GALNT13: variants seen among roughly 807,000 people sequenced by gnomAD.
GALNT13 encodes UDP-GalNAc:polypeptide N-acetylgalactosaminyltransferase 13.
A neutral mutation model predicts 64.2 loss-of-function variants in GALNT13; 28 were observed. That is an observed-to-expected ratio of 0.44 (90% CI 0.32 to 0.60). The LOEUF is 0.60. GALNT13 is among the 20% of genes least tolerant of loss of function. The pLI, the probability that GALNT13 is intolerant of heterozygous loss-of-function variation, is 0.05. For synonymous variants in GALNT13, 214 were observed against 224.6 expected (o/e 0.95, Z 0.42); for missense variants, 577 against 669.8 (o/e 0.86, Z 1.53).
the GALNT13 span, among the ~76,000 whole-genome samples, chr2:153,649,730 G>A: frequency 6.6e-6 from 1 of 152,304 alleles, no homozygotes; most frequent in South Asian, 2.1e-4. Flanking sequence ...GTACCCAGTA[G>A]TCATTCAGGA....
chr2:154,406,093 T>C (rs1699526125), intron 10 of GALNT13, among the ~76,000 whole-genome samples: 1 of 152,182 alleles, frequency 6.6e-6, no homozygotes, highest in South Asian at 2.1e-4. Flanking sequence ...CTCAAGACTA[T>C]TGTTCCTGGT....
At chr2:154,219,996 TC>T (rs938633242) in intron 4 of GALNT13, among the ~76,000 whole-genome samples, 3 of 152,074 alleles carry the variant, frequency 2.0e-5, no homozygotes, top group African/African-American at 4.8e-5. Flanking sequence ...CCAGGGCAGA[TC>T]CAGGTGTGTT....
the GALNT13 span, among the ~76,000 whole-genome samples, chr2:153,365,804 T>C: frequency 6.6e-6 from 1 of 152,096 alleles, no homozygotes; most frequent in Non-Finnish European, 1.5e-5. Context: ...GGAATGTAAA[T>C]TAGTTCAACC....
At chr2:154,313,009 T>G (rs1173114092) in intron 9 of GALNT13, among the ~76,000 whole-genome samples, 2 of 151,924 alleles carry the variant, frequency 1.3e-5, no homozygotes, top group African/African-American at 4.8e-5. Context: ...GGTATAAATA[T>G]TATTTGTTGA....
chr2:153,322,336 C>G, the GALNT13 span, among the ~76,000 whole-genome samples: 10 of 151,990 alleles, frequency 6.6e-5, no homozygotes, highest in Non-Finnish European at 1.3e-4. Context: ...CTGCAAAGGG[C>G]ATGATTTTGT....
chr2:153,435,920 A>C, the GALNT13 span, among the ~76,000 whole-genome samples: 1 of 152,054 alleles, frequency 6.6e-6, no homozygotes, highest in Non-Finnish European at 1.5e-5. Context: ...TTCAAAGGGA[A>C]TGCTTCCAGT....
chr2:154,363,355 CT>C (rs35168419), intron 9 of GALNT13, among the ~76,000 whole-genome samples: 11 of 151,918 alleles, frequency 7.2e-5, no homozygotes, highest in Admixed American at 3.3e-4. Context: ...TTTGTTTTAA[CT>C]TTTTTTTGTG....
chr2:153,095,901 G>A, the GALNT13 span, among the ~76,000 whole-genome samples: 14 of 152,126 alleles, frequency 9.2e-5, no homozygotes, highest in East Asian at 2.1e-3. Context: ...TGGGGGGAGC[G>A]GGGAGGGATA....
At chr2:154,434,247 A>G (rs754704060) in intron 11 of GALNT13, among the ~76,000 whole-genome samples, 2 of 152,166 alleles carry the variant, frequency 1.3e-5, no homozygotes, top group Non-Finnish European at 2.9e-5. Context: ...GAGTTATTAC[A>G]GTGATTAGTT....
the GALNT13 span, among the ~76,000 whole-genome samples, chr2:153,799,470 A>T: frequency 6.6e-6 from 1 of 152,250 alleles, no homozygotes; most frequent in African/African-American, 2.4e-5. Context: ...GAGTAATGCA[A>T]AGGAATCGGA....
the GALNT13 span, among the ~76,000 whole-genome samples, chr2:153,239,029 A>G: frequency 2.7e-4 from 41 of 151,936 alleles, no homozygotes; most frequent in Admixed American, 7.2e-4. Flanking sequence ...TCAATGTTTT[A>G]TAGTTTTCTT....
intron 11 of GALNT13, among the ~76,000 whole-genome samples, chr2:154,412,791 C>T (rs1374456820): frequency 1.3e-5 from 2 of 151,756 alleles, no homozygotes; most frequent in Non-Finnish European, 3.0e-5. Flanking sequence ...TTCAATTCAA[C>T]ATGACCATTT....
intron 11 of GALNT13, among the ~76,000 whole-genome samples, chr2:154,433,698 C>G (rs1353399014): frequency 6.8e-6 from 1 of 146,070 alleles, no homozygotes; most frequent in African/African-American, 2.5e-5. Context: ...TACTACTAAA[C>G]AGTATATTCT....
At chr2:153,694,845 T>A in the GALNT13 span, among the ~76,000 whole-genome samples, 5 of 152,178 alleles carry the variant, frequency 3.3e-5, no homozygotes, top group South Asian at 2.1e-4. Flanking sequence ...AGTTTTAAAA[T>A]GTATGTTTTA....
Position 154,434,346 on chromosome 2 carries a change from G to A in GALNT13, c.1396-4246G>A, listed in dbSNP as rs561426906. Reference sequence around the variant, plus strand: ...GTGATCTCCGCTCACTGCAAATTCCGCCTCCCGGGCTCACGCCATTCTCCT... The same window carrying A: ...GTGATCTCCGCTCACTGCAAATTCCACCTCCCGGGCTCACGCCATTCTCCT... On this transcript the variant is annotated intron_variant, in intron 11 of 12. Coordinates refer to ENST00000392825, the MANE Select transcript of GALNT13 (RefSeq NM_052917.4). Among the ~76,000 whole-genome samples the A allele has an allele frequency of 7.9e-5, 12 of 152,138 alleles. No homozygotes were observed. The South Asian group carries it at 8.3e-4, about 11-fold the overall frequency.
the GALNT13 span, among the ~76,000 whole-genome samples, chr2:153,262,192 C>G: frequency 2.1e-4 from 32 of 152,160 alleles, no homozygotes; most frequent in African/African-American, 7.7e-4. Flanking sequence ...GCCAGCAGAA[C>G]TCTCAGTCTC....
chr2:153,938,393 C>A (rs1691100416), intron 2 of GALNT13, among the ~76,000 whole-genome samples: 1 of 152,106 alleles, frequency 6.6e-6, no homozygotes, highest in Non-Finnish European at 1.5e-5. Context: ...AAATAAGCTG[C>A]AAAATTGTTG....
At chr2:153,355,069 C>G in the GALNT13 span, among the ~76,000 whole-genome samples, 1 of 152,176 alleles carries the variant, frequency 6.6e-6, no homozygotes, top group African/African-American at 2.4e-5. Context: ...AATAAACTGA[C>G]AGCTCCCTCT....
chr2:153,727,782 G>C, the GALNT13 span, among the ~76,000 whole-genome samples: 1 of 151,796 alleles, frequency 6.6e-6, no homozygotes, highest in African/African-American at 2.4e-5. Flanking sequence ...TGAACATGTA[G>C]GTTTGTTACA....
Sources: allele counts gnomAD v4.1 joint callset (sites outside exome capture counted in the v4.1 genomes callset), GRCh38; gene constraint gnomAD v4.1.1; transcripts MANE v1.5; gene names NCBI Gene and HGNC (gene_info 2026-07-23, HGNC 2026-07-21).